RBM19: variants seen among roughly 807,000 people sequenced by gnomAD.
RBM19 encodes RNA binding motif protein 19.
In RBM19, 94 loss-of-function variants were observed where a neutral mutation model predicts 116.8. The observed-to-expected ratio is 0.80, with a 90% CI of 0.68 to 0.95. The LOEUF is 0.95. RBM19 is among the 40% of genes least tolerant of loss of function. The pLI is 0.00. For synonymous variants in RBM19, 475 were observed against 494.1 expected, an observed-to-expected ratio of 0.96 and a Z score of 0.51; for missense variants, 1,161 against 1,220.7, an observed-to-expected ratio of 0.95 and a Z score of 0.73.
At chr12:113,860,173 G>A (rs532561370) in intron 21 of RBM19, among the ~76,000 whole-genome samples, 2 of 152,350 alleles carry the variant, frequency 1.3e-5, no homozygotes, top group African/African-American at 4.8e-5. Flanking sequence ...GCCTCCCGGG[G>A]AGGGGAAGGA....
intron 21 of RBM19, among the ~76,000 whole-genome samples, chr12:113,902,460 G>A (rs1881757203): frequency 1.3e-5 from 2 of 152,196 alleles, no homozygotes; most frequent in East Asian, 1.9e-4. Flanking sequence ...TTAGCTGGGC[G>A]TGGAAGTGCA....
At chr12:113,915,181 G>T in intron 20 of RBM19, 96 bp from the exon 21 acceptor site, 1 of 1,051,950 alleles carries the variant, frequency 9.5e-7, no homozygotes, top group Non-Finnish European at 1.5e-6. Flanking sequence ...ATATTCAGGT[G>T]ATGGATTCAA....
intron 21 of RBM19, among the ~76,000 whole-genome samples, chr12:113,907,838 G>A (rs973943295): frequency 5.1e-4 from 78 of 152,264 alleles, no homozygotes; most frequent in African/African-American, 1.8e-3. Context: ...ACCTCATCAA[G>A]GTAGGATGAG....
chr12:113,926,858 G>A (rs1869119174), intron 17 of RBM19, among the ~76,000 whole-genome samples, 196 bp downstream of exon 17: 1 of 152,250 alleles, frequency 6.6e-6, no homozygotes, highest in East Asian at 1.9e-4. Context: ...GGCCAGCCTT[G>A]CTACTGCTCT....
chr12:113,817,951 G>A (rs7312304), downstream of RBM19: 49,555 of 151,936 alleles, frequency 0.33, 8,668 homozygotes, highest in Non-Finnish European at 0.38. Flanking sequence ...AAAATTAGCC[G>A]GGCGTGGTGG....
intron 22 of RBM19, among the ~76,000 whole-genome samples, chr12:113,851,280 C>A (rs1877423240): frequency 6.6e-6 from 1 of 152,188 alleles, no homozygotes; most frequent in South Asian, 2.1e-4. Flanking sequence ...CAAAGAGGCA[C>A]CTCTCCCTCT....
intron 8 of RBM19, 80 bp downstream of exon 8, chr12:113,952,432 C>T: frequency 7.4e-7 from 1 of 1,343,872 alleles, no homozygotes; most frequent in Non-Finnish European, 1.1e-6. Flanking sequence ...GCCCTTAAAA[C>T]TTCTTCCTTA....
intron 21 of RBM19, among the ~76,000 whole-genome samples, chr12:113,895,792 AG>A (rs1430651260): frequency 6.6e-6 from 1 of 151,366 alleles, no homozygotes; most frequent in Non-Finnish European, 1.5e-5. Flanking sequence ...TTTTTAAAAA[AG>A]AAAAAATCTT....
chr12:113,888,238 C>T (rs771264221), intron 21 of RBM19, among the ~76,000 whole-genome samples: 1 of 152,222 alleles, frequency 6.6e-6, no homozygotes, highest in Non-Finnish European at 1.5e-5. Flanking sequence ...GCTTTACAAA[C>T]ATTCCCTTTG....
At chr12:113,883,981 A>C (rs533160787) in intron 21 of RBM19, among the ~76,000 whole-genome samples, 1 of 152,276 alleles carries the variant, frequency 6.6e-6, no homozygotes, top group African/African-American at 2.4e-5. Flanking sequence ...TGTGTATTTA[A>C]AAATATATAC....
intron 21 of RBM19, among the ~76,000 whole-genome samples, chr12:113,910,855 A>C (rs1882384845): frequency 6.6e-6 from 1 of 152,196 alleles, no homozygotes; most frequent in African/African-American, 2.4e-5. Flanking sequence ...AGCTCTGCAT[A>C]CAGCTGCTGT....
Position 113,920,228 on chromosome 12 carries a change from T to C in RBM19, c.2385+383A>G, listed in dbSNP as rs77021127. Among the ~76,000 whole-genome samples the C allele has an allele frequency of 3.8e-3, 571 of 152,224 alleles. 21 individuals are homozygous for C. In the East Asian group the frequency reaches 0.071, roughly 19 times the overall value. On this transcript the variant is annotated intron_variant, in intron 19 of 23. Coordinates refer to ENST00000261741, the MANE Select transcript of RBM19 (RefSeq NM_016196.4). ...GCCTTCCCTGACCACACAGCCTAAGTGCCCCACCTCCACCCCCAACTCGCA... is the reference window on the plus strand; with the variant it reads ...GCCTTCCCTGACCACACAGCCTAAGCGCCCCACCTCCACCCCCAACTCGCA...
chr12:113,919,444 G>A (rs938235483), intron 19 of RBM19, among the ~76,000 whole-genome samples: 9 of 152,296 alleles, frequency 5.9e-5, no homozygotes, highest in East Asian at 3.9e-4. Flanking sequence ...GGTGGCGGGC[G>A]CCTGTAGTCC....
chr12:113,849,271 A>T (rs1410254846), intron 22 of RBM19, among the ~76,000 whole-genome samples: 3 of 152,208 alleles, frequency 2.0e-5, no homozygotes, highest in African/African-American at 7.2e-5. Context: ...CATGCTTAAG[A>T]TCCTCAGCCT....
intron 21 of RBM19, among the ~76,000 whole-genome samples, chr12:113,859,687 T>C (rs942584310): frequency 1.3e-5 from 2 of 152,222 alleles, no homozygotes; most frequent in Non-Finnish European, 2.9e-5. Context: ...AGGCCTCCCT[T>C]GCCTCCCTGT....
At chr12:113,909,252 A>T (rs544077399) in intron 21 of RBM19, among the ~76,000 whole-genome samples, 1 of 152,306 alleles carries the variant, frequency 6.6e-6, no homozygotes, top group African/African-American at 2.4e-5. Context: ...CCTCCTGAGT[A>T]ACTGGGACTA....
intron 21 of RBM19, among the ~76,000 whole-genome samples, chr12:113,913,015 AAGG>A (rs1219241081): frequency 6.6e-6 from 1 of 152,144 alleles, no homozygotes; most frequent in Non-Finnish European, 1.5e-5. Flanking sequence ...GAACAATGGC[AAGG>A]AGAAGAGTCA....
intron 15 of RBM19, among the ~76,000 whole-genome samples, chr12:113,938,768 G>A: frequency 6.6e-6 from 1 of 152,166 alleles, no homozygotes; most frequent in East Asian, 1.9e-4. Context: ...AAGTGAGGAT[G>A]AAGGGAGAAA....
intron 22 of RBM19, among the ~76,000 whole-genome samples, chr12:113,846,287 T>C (rs966982539): frequency 3.3e-5 from 5 of 152,162 alleles, no homozygotes; most frequent in African/African-American, 1.2e-4. Flanking sequence ...AAGAATCATA[T>C]AACTGGAAGG....
Sources: allele counts gnomAD v4.1 joint callset (sites outside exome capture counted in the v4.1 genomes callset), GRCh38; gene constraint gnomAD v4.1.1; transcripts MANE v1.5; gene names NCBI Gene and HGNC (gene_info 2026-07-23, HGNC 2026-07-21).